The following AKAP7 variants were observed in gnomAD, a reference collection of about 807,000 sequenced individuals.
AKAP7 encodes A-kinase anchoring protein 7.
In AKAP7, 39 loss-of-function variants were observed where a neutral mutation model predicts 39.5. The ratio of observed to expected loss-of-function variants is 0.99; its 90% CI spans 0.76 to 1.29. AKAP7 has a LOEUF of 1.29. Among genes scored for constraint, AKAP7 ranks in the 50% most tolerant of loss-of-function variants. The pLI, the probability that AKAP7 is intolerant of heterozygous loss-of-function variation, is 0.00. For missense variants in AKAP7, 414 were observed against 407.7 expected (o/e 1.02, Z -0.13); for synonymous variants, 140 against 139.1 (o/e 1.01, Z -0.05).
chr6:131,255,212 A>G (rs1812746595), intron 7 of AKAP7, among the ~76,000 whole-genome samples: 1 of 152,204 alleles, frequency 6.6e-6, no homozygotes, highest in African/African-American at 2.4e-5. Context: ...TAGGTGTCGT[A>G]CATCTCTCTT....
intron 7 of AKAP7, among the ~76,000 whole-genome samples, chr6:131,268,172 A>G (rs1317941542): frequency 6.6e-6 from 1 of 152,190 alleles, no homozygotes; most frequent in Non-Finnish European, 1.5e-5. Context: ...ATTATGTGCT[A>G]TTTCTCACAT....
At chr6:131,193,411 C>A (rs983158760) in intron 5 of AKAP7, among the ~76,000 whole-genome samples, 1 of 152,090 alleles carries the variant, frequency 6.6e-6, no homozygotes, top group African/African-American at 2.4e-5. Flanking sequence ...ATCCTTGCAT[C>A]CCTGAAATAA....
At chr6:131,256,719 T>A (rs981401770) in intron 7 of AKAP7, among the ~76,000 whole-genome samples, 1 of 151,232 alleles carries the variant, frequency 6.6e-6, no homozygotes, top group African/African-American at 2.4e-5. Context: ...ATTATTATTA[T>A]TATTATTATT....
chr6:131,245,214 A>G (rs1811897953), intron 7 of AKAP7, among the ~76,000 whole-genome samples: 1 of 149,456 alleles, frequency 6.7e-6, no homozygotes, highest in Non-Finnish European at 1.5e-5. Flanking sequence ...GGTCTGGCCT[A>G]TTGTGGATTG....
intron 7 of AKAP7, among the ~76,000 whole-genome samples, chr6:131,229,750 T>C (rs995432358): frequency 2.0e-5 from 3 of 152,218 alleles, no homozygotes; most frequent in Admixed American, 2.0e-4. Context: ...GATAACTTTT[T>C]ACATATATAC....
chr6:131,240,860 G>A (rs1811490127), intron 7 of AKAP7, among the ~76,000 whole-genome samples: 1 of 152,216 alleles, frequency 6.6e-6, no homozygotes, highest in African/African-American at 2.4e-5. Flanking sequence ...CTTCCCGGGT[G>A]AGGTGATGCC....
intron 7 of AKAP7, among the ~76,000 whole-genome samples, chr6:131,231,125 C>T (rs910523263): frequency 3.3e-5 from 5 of 152,008 alleles, no homozygotes; most frequent in Non-Finnish European, 4.4e-5. Context: ...ATTTTGATGG[C>T]TATTAAGCTA....
At chr6:131,176,554 T>G (rs555850826) in intron 5 of AKAP7, among the ~76,000 whole-genome samples, 3 of 152,286 alleles carry the variant, frequency 2.0e-5, no homozygotes, top group South Asian at 4.1e-4. Flanking sequence ...TGCAAAACTT[T>G]TTTTTTTAAA....
At chr6:131,239,546 A>G (rs984258605) in intron 7 of AKAP7, among the ~76,000 whole-genome samples, 21 of 152,176 alleles carry the variant, frequency 1.4e-4, no homozygotes, top group African/African-American at 2.9e-4. Context: ...AGGTACACCA[A>G]TCAGACGTAG....
chr6:131,165,224 A>G lies in AKAP7; in HGVS notation c.428+7A>G. On this transcript the variant is annotated splice_region_variant and intron_variant, in intron 4 of 7. Transcript: ENST00000431975. ...ATGAAGATGAAGTAAACATGTGAGT[A>G]ATGTATCTTTCTTAAATATAATTTT... is the stretch of plus-strand genomic sequence containing the variant. 4 of 1,589,312 alleles carry G rather than the reference A, an allele frequency of 2.5e-6. No individual in the cohort carries two copies. Among genetic ancestry groups the G allele is most frequent in the Non-Finnish European group, 2.6e-6 (3 of 1,167,652 alleles).
intron 5 of AKAP7, chr6:131,184,555 C>T (rs1301089615): frequency 1.4e-6 from 1 of 723,950 alleles, no homozygotes; most frequent in Non-Finnish European, 2.6e-6. Context: ...TCTTCACTGC[C>T]CCATCATCAT....
intron 2 of AKAP7, among the ~76,000 whole-genome samples, chr6:131,152,354 T>C (rs1037438339): frequency 1.3e-5 from 2 of 152,232 alleles, no homozygotes; most frequent in Admixed American, 6.5e-5. Context: ...TTGTTCCTTA[T>C]ATTTTCATAT....
intron 2 of AKAP7, among the ~76,000 whole-genome samples, chr6:131,147,384 T>G (rs1250100959): frequency 1.3e-5 from 2 of 152,206 alleles, no homozygotes; most frequent in African/African-American, 4.8e-5. Flanking sequence ...TATTAAGCAG[T>G]CTTTCCCATT....
intron 5 of AKAP7, among the ~76,000 whole-genome samples, chr6:131,188,473 G>A (rs1806087153): frequency 6.6e-6 from 1 of 152,040 alleles, no homozygotes; most frequent in Non-Finnish European, 1.5e-5. Context: ...AAAGTATCTT[G>A]CAATTGGAAG....
At chr6:131,176,493 C>T (rs955334335) in intron 5 of AKAP7, among the ~76,000 whole-genome samples, 4 of 151,742 alleles carry the variant, frequency 2.6e-5, no homozygotes, top group Non-Finnish European at 2.9e-5. Flanking sequence ...TTTAAGCTTG[C>T]GAGACTGAGA....
chr6:131,242,135 T>C (rs900786630), intron 7 of AKAP7: 36 of 984,482 alleles, frequency 3.7e-5, no homozygotes, highest in Non-Finnish European at 4.2e-5. Context: ...GTTTGTCAAT[T>C]CATGAATTGT....
At chr6:131,130,401 G>A in the AKAP7 span, among the ~76,000 whole-genome samples, 33 of 152,278 alleles carry the variant, frequency 2.2e-4, no homozygotes, top group African/African-American at 5.5e-4. Flanking sequence ...GAGTTCGAGC[G>A]ATTCTCTGCT....
intron 4 of AKAP7, among the ~76,000 whole-genome samples, chr6:131,168,222 C>T (rs570035679): frequency 1.1e-3 from 173 of 151,966 alleles, no homozygotes; most frequent in Admixed American, 2.4e-3. Flanking sequence ...GACCAGCTTT[C>T]ACAGCATAGG....
At chr6:131,185,029 T>C in intron 5 of AKAP7, 2 of 740,356 alleles carry the variant, frequency 2.7e-6, no homozygotes, top group South Asian at 2.7e-5. Flanking sequence ...AGGATCCGCT[T>C]TCGTGCTTGA....
Sources: gnomAD v4.1 joint callset for allele counts (sites outside exome capture counted in the v4.1 genomes callset) on GRCh38, gnomAD v4.1.1 for gene constraint, MANE v1.5 for transcripts, NCBI Gene and HGNC (gene_info 2026-07-23, HGNC 2026-07-21) for gene names.